WDR27: variants seen among roughly 807,000 people sequenced by gnomAD.
The protein encoded by WDR27 is WD repeat-containing protein 27.
In WDR27, 100 loss-of-function variants were observed where a neutral mutation model predicts 114.4. The ratio of observed to expected loss-of-function variants is 0.87; its 90% CI spans 0.74 to 1.03. WDR27 has a LOEUF of 1.03. Among genes scored for constraint, WDR27 ranks in the 50% least tolerant of loss-of-function variants. The pLI is 0.00. For missense variants in WDR27, 1,129 were observed against 1,092.9 expected (o/e 1.03, Z -0.47); for synonymous variants, 449 against 423.1 (o/e 1.06, Z -0.75).
At chr6:169,598,111 T>C (rs1031250185) in intron 23 of WDR27, among the ~76,000 whole-genome samples, 21 of 152,304 alleles carry the variant, frequency 1.4e-4, no homozygotes, top group African/African-American at 5.1e-4. Flanking sequence ...TATTCCATCA[T>C]AGCTAGTGCT....
At chr6:169,433,402 C>T in the WDR27 span, among the ~76,000 whole-genome samples, 1 of 152,168 alleles carries the variant, frequency 6.6e-6, no homozygotes, top group East Asian at 1.9e-4. Flanking sequence ...CATCCATGTC[C>T]CTGCAAAAGA....
At chr6:169,683,745 T>C (rs1201470847) in intron 2 of WDR27, among the ~76,000 whole-genome samples, 2 of 152,062 alleles carry the variant, frequency 1.3e-5, no homozygotes, top group African/African-American at 4.8e-5. Context: ...AAGGAAAAGG[T>C]AAGCAAAAGA....
chr6:169,428,600 C>CGGGG, the WDR27 span, among the ~76,000 whole-genome samples: 1 of 4,406 alleles, frequency 2.3e-4, no homozygotes. Context: ...GGGACGGTGG[C>CGGGG]GGGGGGGAGG....
At chr6:169,548,281 A>G (rs1268749066) in intron 25 of WDR27, among the ~76,000 whole-genome samples, 1 of 152,182 alleles carries the variant, frequency 6.6e-6, no homozygotes, top group Non-Finnish European at 1.5e-5. Flanking sequence ...ATTCAGTGCA[A>G]CCCCAATCAA....
At chr6:169,693,972 C>G (rs1257966590) in intron 1 of WDR27, among the ~76,000 whole-genome samples, 1 of 152,182 alleles carries the variant, frequency 6.6e-6, no homozygotes, top group African/African-American at 2.4e-5. Flanking sequence ...ACTTAAACTA[C>G]ACCGTAGAAC....
At chr6:169,435,199 A>G in the WDR27 span, among the ~76,000 whole-genome samples, 2 of 152,244 alleles carry the variant, frequency 1.3e-5, no homozygotes, top group African/African-American at 4.8e-5. Flanking sequence ...CCTCAATTTC[A>G]GAGGATGTAT....
At chr6:169,524,117 C>A (rs1208432990) in intron 25 of WDR27, among the ~76,000 whole-genome samples, 1 of 151,996 alleles carries the variant, frequency 6.6e-6, no homozygotes, top group Non-Finnish European at 1.5e-5. Context: ...TTTAAAAAAT[C>A]AGTAGTATTT....
chr6:169,694,305 T>G (rs1189309011), intron 1 of WDR27, among the ~76,000 whole-genome samples: 1 of 151,960 alleles, frequency 6.6e-6, no homozygotes, highest in African/African-American at 2.4e-5. Context: ...AAGCGAAACT[T>G]TGTCTCAAAA....
chr6:169,660,746 C>T lies in WDR27; in HGVS notation c.1046G>A (p.Arg349Gln), dbSNP rs368374418. Residue 349 changes from arginine (R) to glutamine (Q), a missense_variant, in exon 10 of 26, where the codon CGA becomes CAA. By Grantham distance (43) the Arg-to-Gln change is conservative. Coordinates refer to ENST00000448612, the MANE Select transcript of WDR27 (RefSeq NM_182552.5). ...CACTGAGCTTCCGATCCACACACATCGGGTGTTCTCAGAAGAAAGACTGAT... is the reference window on the plus strand; with the variant it reads ...CACTGAGCTTCCGATCCACACACATTGGGTGTTCTCAGAAGAAAGACTGAT... The part of the protein sequence containing the change: ...ACGCLSSENT[R>Q]CVWIGSSVGL... 48 of 1,613,702 alleles carry T rather than the reference C, an allele frequency of 3.0e-5. No homozygotes were observed. The highest frequency in any genetic ancestry group is 1.6e-4 in the Middle Eastern group (1 of 6,062).
intron 8 of WDR27, among the ~76,000 whole-genome samples, chr6:169,663,063 AGTCACTCAGATCACGCATC>A (rs1826783132): frequency 5.4e-5 from 8 of 149,196 alleles, no homozygotes. Flanking sequence ...TGCACCATGG[AGTCACTCAGATCACGCATC>A]GAGGAAAGCA....
chr6:169,628,561 C>T (rs1387055923), intron 21 of WDR27, among the ~76,000 whole-genome samples: 4 of 152,130 alleles, frequency 2.6e-5, no homozygotes. Context: ...CCTTTAAACT[C>T]CTCGTAAAAC....
intron 18 of WDR27, among the ~76,000 whole-genome samples, chr6:169,637,849 G>A (rs966284862): frequency 3.9e-5 from 6 of 152,124 alleles, no homozygotes; most frequent in Admixed American, 2.6e-4. Context: ...GCATCTACAC[G>A]TGTGTGAATA....
At chr6:169,676,837 T>C (rs373935061) in intron 2 of WDR27, among the ~76,000 whole-genome samples, 1 of 152,232 alleles carries the variant, frequency 6.6e-6, no homozygotes, top group Admixed American at 6.5e-5. Context: ...ATTACATGTA[T>C]TGATTGATGT....
At chr6:169,539,088 G>T (rs1216142972) in intron 25 of WDR27, among the ~76,000 whole-genome samples, 1 of 152,130 alleles carries the variant, frequency 6.6e-6, no homozygotes, top group Non-Finnish European at 1.5e-5. Flanking sequence ...TTCACAACTG[G>T]GTGGATGCAC....
chr6:169,527,457 C>T (rs1795086081), intron 25 of WDR27, among the ~76,000 whole-genome samples: 1 of 152,098 alleles, frequency 6.6e-6, no homozygotes, highest in South Asian at 2.1e-4. Context: ...CCAGTGGTTG[C>T]TAGATGATTC....
At chr6:169,645,036 T>TAAAAAAAAA (rs369797685) in intron 16 of WDR27, among the ~76,000 whole-genome samples, 50 of 76,950 alleles carry the variant, frequency 6.5e-4, no homozygotes, top group Non-Finnish European at 1.1e-3. Context: ...AAAAAAAAAA[T>TAAAAAAAAA]AAAAAAAAAA....
At chr6:169,638,410 T>C (rs1818280224) in intron 18 of WDR27, 129 bp downstream of exon 18, 3 of 1,207,662 alleles carry the variant, frequency 2.5e-6, no homozygotes, top group Admixed American at 3.0e-5. Flanking sequence ...GTAACTTTTA[T>C]TGCATTAAAG....
rs148217140 is a variant in WDR27 at position 169,696,386 on chromosome 6, G to A, written c.-8+5165C>T. On this transcript the variant is annotated intron_variant, in intron 1 of 25. Transcript: ENST00000448612. The stretch of plus-strand genomic sequence containing the variant: ...GAAGCAAGAGATCACATACACACAT[G>A]CATGCACACACACAAAATCTCACAC... Among the ~76,000 whole-genome samples, 54 of 152,290 alleles carry A rather than the reference G, an allele frequency of 3.5e-4. 1 individual carries two copies. The highest frequency in any genetic ancestry group is 5.4e-4 in the Non-Finnish European group (37 of 68,026).
intron 18 of WDR27, 134 bp from the exon 19 acceptor site, chr6:169,636,638 C>T: frequency 2.4e-6 from 2 of 842,108 alleles, no homozygotes; most frequent in Non-Finnish European, 3.4e-6. Flanking sequence ...TTTGTTAGAC[C>T]CAATCTACAA....
Sources: allele counts gnomAD v4.1 joint callset (sites outside exome capture counted in the v4.1 genomes callset), GRCh38; gene constraint gnomAD v4.1.1; transcripts MANE v1.5; gene names NCBI Gene and HGNC (gene_info 2026-07-23, HGNC 2026-07-21).